SPATC1: variants seen among roughly 807,000 people sequenced by gnomAD.
SPATC1 encodes speriolin.
SPATC1 carries 35 observed loss-of-function variants against 36.5 expected under a neutral mutation model. That is an observed-to-expected ratio of 0.96 (90% CI 0.73 to 1.27). The LOEUF is 1.27. Among genes scored for constraint, SPATC1 ranks in the 50% most tolerant of loss-of-function variants. SPATC1 has a pLI of 0.00. For missense variants in SPATC1, 779 were observed against 796.0 expected, an observed-to-expected ratio of 0.98 and a Z score of 0.26; for synonymous variants, 361 against 353.6, an observed-to-expected ratio of 1.02 and a Z score of -0.24.
chr8:144,028,450 A>G (rs1306587885), intron 1 of SPATC1, among the ~76,000 whole-genome samples: 1 of 152,236 alleles, frequency 6.6e-6, no homozygotes, highest in Admixed American at 6.5e-5. Flanking sequence ...ACATATGAAA[A>G]AAAGCTCATC....
At position 144,038,103 on chromosome 8, in the gene SPATC1, G is replaced by A. The variant is rs565023469; in HGVS notation, c.212-1806G>A. On this transcript the variant is annotated intron_variant, in intron 1 of 4. Coordinates refer to ENST00000377470, the MANE Select transcript of SPATC1 (RefSeq NM_198572.3). ...AGATCGCACCACTGCACTCCAGCCT[G>A]GGCGACAGTGAGACTCTGTCTCAAA... 2.7e-3 allele frequency among the ~76,000 whole-genome samples: 411 copies of A among 151,018 alleles called. 3 individuals are homozygous for A. The highest frequency in any genetic ancestry group is 8.9e-3 in the African/African-American group (368 of 41,134).
intron 1 of SPATC1, among the ~76,000 whole-genome samples, chr8:144,037,544 A>T: frequency 2.0e-5 from 3 of 152,008 alleles, no homozygotes; most frequent in Non-Finnish European, 4.4e-5. Context: ...CGCTGTGTCC[A>T]CTCAGGGTTG....
Position 144,046,891 on chromosome 8 carries a change from C to G in SPATC1, c.1711C>G (p.Leu571Val). 1 of 1,599,424 alleles carries G rather than the reference C, an allele frequency of 6.3e-7. No homozygotes were observed. Reference protein sequence around the residue: ...TVHPGMLADALLLLSCLSQLA... With the variant: ...TVHPGMLADAVLLLSCLSQLA... ...GCACCCCGGCATGCTCGCCGACGCGCTGCTGCTGCTCTCCTGCCTCAGCCA... is the reference window on the plus strand; with the variant it reads ...GCACCCCGGCATGCTCGCCGACGCGGTGCTGCTGCTCTCCTGCCTCAGCCA... The change falls in exon 5 of 5, where the codon CTG (leucine) becomes GTG (valine). Residue 571 changes from leucine (L) to valine (V), a missense_variant. Transcript: ENST00000377470. This position sits in a 1 kb window ranked among gnomAD's most constrained non-coding sequence, Gnocchi z 6.6.
intron 4 of SPATC1, chr8:144,041,943 G>C: frequency 6.1e-6 from 6 of 985,310 alleles, no homozygotes; most frequent in Non-Finnish European, 7.2e-6. Flanking sequence ...GCATCCTTGG[G>C]TTAGTTTTGT....
At chr8:144,041,656 C>T (rs1835104888) in intron 4 of SPATC1, among the ~76,000 whole-genome samples, 1 of 152,208 alleles carries the variant, frequency 6.6e-6, no homozygotes, top group Non-Finnish European at 1.5e-5. Context: ...GAGGATGATG[C>T]TTTGCCAGCA....
At position 144,016,978 on chromosome 8, in the gene SPATC1, C is replaced by T. The variant is rs781817015; in HGVS notation, c.211+4252C>T. On this transcript the variant is annotated intron_variant, in intron 1 of 4. Coordinates refer to ENST00000377470, the MANE Select transcript of SPATC1 (RefSeq NM_198572.3). This position sits in a 1 kb window ranked among gnomAD's most constrained non-coding sequence, Gnocchi z 4.5. Reference sequence around the variant, plus strand: ...GTAACAGAGAATAATCATGTTTGTGCTTCAGAAACGTTACCCCAGATGCTA... The same window carrying T: ...GTAACAGAGAATAATCATGTTTGTGTTTCAGAAACGTTACCCCAGATGCTA... Among the ~76,000 whole-genome samples the T allele has an allele frequency of 2.0e-5, 3 of 152,286 alleles. No homozygotes were observed. The highest frequency in any genetic ancestry group is 2.1e-4 in the South Asian group (1 of 4,828).
At chr8:144,027,234 A>G (rs1386405316) in intron 1 of SPATC1, among the ~76,000 whole-genome samples, 7 of 152,130 alleles carry the variant, frequency 4.6e-5, no homozygotes, top group African/African-American at 1.7e-4. Context: ...TCGGCCGCCC[A>G]AAGTGGTGGG....
chr8:144,040,602 G>A lies in SPATC1; in HGVS notation c.801G>A (p.Gln267=). Residue 267 remains glutamine, a synonymous_variant, in exon 3 of 5, where the codon CAG becomes CAA. Transcript: ENST00000377470. ...CCACTGAGCCCCCCCAGTCGACCCA[G>A]GACCCAGAGCCTCTCAGCATGGCGT... is the stretch of plus-strand genomic sequence containing the variant. ...PLSTEPPQST[Q]DPEPLSMAFA... is the part of the protein sequence containing the mutation. The A allele has an allele frequency of 6.2e-7, 1 of 1,606,842 alleles. No homozygotes were observed. Among genetic ancestry groups the A allele is most frequent in the Non-Finnish European group, 8.5e-7 (1 of 1,176,738 alleles).
At position 144,046,944 on chromosome 8, in the gene SPATC1, G is replaced by A. The variant is rs781912773; in HGVS notation, c.1764G>A (p.Met588Ile). The A allele has an allele frequency of 1.3e-6, 2 of 1,596,872 alleles. No individual in the cohort carries two copies. Among genetic ancestry groups the A allele is most frequent in the Admixed American group, 1.7e-5 (1 of 59,942 alleles). ...SQLAHDDGKP[M>I]FIW ...TGGCGCACGATGACGGCAAGCCCAT[G>A]TTCATCTGGTGACGCTGGAGCTGGG... The change falls in exon 5 of 5, where the codon ATG becomes ATA. Residue 588 changes from methionine (M) to isoleucine (I), a missense_variant. By Grantham distance (10) the Met-to-Ile change is conservative. Transcript: ENST00000377470. This position sits in a 1 kb window ranked among gnomAD's most constrained non-coding sequence, Gnocchi z 6.6.
intron 1 of SPATC1, among the ~76,000 whole-genome samples, chr8:144,014,993 G>C (rs548423310): frequency 6.6e-6 from 1 of 152,284 alleles, no homozygotes; most frequent in South Asian, 2.1e-4. Context: ...TTTCTCACAA[G>C]GAGCGGTGCT....
chr8:144,019,561 G>A (rs1353420943), intron 1 of SPATC1, among the ~76,000 whole-genome samples: 6 of 152,182 alleles, frequency 3.9e-5, no homozygotes, highest in Non-Finnish European at 7.4e-5. Context: ...CAGACTGCGG[G>A]GCGTCCTGCT....
At chr8:144,033,255 G>A (rs1834833954) in intron 1 of SPATC1, among the ~76,000 whole-genome samples, 1 of 152,042 alleles carries the variant, frequency 6.6e-6, no homozygotes, top group African/African-American at 2.4e-5. Context: ...AAAGTTAGCT[G>A]GGCATGGTGG....
intron 1 of SPATC1, among the ~76,000 whole-genome samples, chr8:144,037,789 C>T (rs1344586805): frequency 6.6e-6 from 1 of 151,100 alleles, no homozygotes; most frequent in African/African-American, 2.4e-5. Context: ...CGAGAAACAC[C>T]CAAGAATGAT....
intron 4 of SPATC1, chr8:144,041,879 C>A (rs1309265502): frequency 3.5e-6 from 3 of 868,144 alleles, no homozygotes; most frequent in Non-Finnish European, 2.8e-6. Context: ...GTAGCCTAAG[C>A]GGGAGCTACT....
chr8:144,019,207 CAGGCATGGGGG>C (rs1289774536), intron 1 of SPATC1, among the ~76,000 whole-genome samples: 1 of 152,214 alleles, frequency 6.6e-6, no homozygotes, highest in African/African-American at 2.4e-5. Context: ...AGCCTGAGGG[CAGGCATGGGGG>C]AGGCAAGCAG....
chr8:144,046,757 A>G lies in SPATC1; in HGVS notation c.1577A>G (p.Glu526Gly). ...YNGRVHPALTEQLVNAYGILR... is the reference protein window; with the variant it reads ...YNGRVHPALTGQLVNAYGILR... ...GGGCGGGTGCACCCTGCGCTGACCGAGCAGCTGGTGAACGCTTATGGCATC... is the reference window on the plus strand; with the variant it reads ...GGGCGGGTGCACCCTGCGCTGACCGGGCAGCTGGTGAACGCTTATGGCATC... Residue 526 changes from glutamate (E) to glycine (G), a missense_variant, in exon 5 of 5, where the codon GAG (glutamate) becomes GGG (glycine). Physicochemically the swap from Glu to Gly is moderately conservative, Grantham distance 98. Coordinates refer to ENST00000377470, the MANE Select transcript of SPATC1 (RefSeq NM_198572.3). The surrounding 1 kb of genome is among the most constrained non-coding windows in gnomAD (Gnocchi z 6.6). 1 of 1,611,700 alleles carries G rather than the reference A, an allele frequency of 6.2e-7. No individual in the cohort carries two copies.
chr8:144,028,360 G>GAA (rs1184295434), intron 1 of SPATC1, among the ~76,000 whole-genome samples: 1 of 145,840 alleles, frequency 6.9e-6, no homozygotes, highest in Non-Finnish European at 1.5e-5. Flanking sequence ...AAATTTACAA[G>GAA]AAAAAAAAAA....
At chr8:144,013,535 A>G (rs1554752740) in intron 1 of SPATC1, among the ~76,000 whole-genome samples, 1 of 152,288 alleles carries the variant, frequency 6.6e-6, no homozygotes, top group Non-Finnish European at 1.5e-5. Flanking sequence ...GTTCCCTGCC[A>G]TACAACCTGA....
chr8:144,018,392 G>A (rs1834433098), intron 1 of SPATC1, among the ~76,000 whole-genome samples: 1 of 152,174 alleles, frequency 6.6e-6, no homozygotes, highest in South Asian at 2.1e-4. Flanking sequence ...TGGCCTTGGG[G>A]TGAGGGGAGT....
Sources: allele counts gnomAD v4.1 joint callset (sites outside exome capture counted in the v4.1 genomes callset), GRCh38; gene constraint gnomAD v4.1.1; non-coding constraint Gnocchi (gnomAD v3.1); transcripts MANE v1.5; gene names NCBI Gene and HGNC (gene_info 2026-07-23, HGNC 2026-07-21).